Variants in SHISA9 observed in about 807,000 individuals in gnomAD.
SHISA9 encodes protein shisa-9.
SHISA9 carries 13 observed loss-of-function variants against 38.0 expected under a neutral mutation model. That is an observed-to-expected ratio of 0.34 (90% confidence interval 0.22 to 0.54). The LOEUF (loss-of-function observed/expected upper bound fraction) is 0.54. SHISA9 is among the 20% of genes least tolerant of loss of function. The pLI is 0.91. For missense variants in SHISA9, 538 were observed against 575.8 expected, an observed-to-expected ratio of 0.93 and a Z score of 0.67; for synonymous variants, 275 against 242.0, an observed-to-expected ratio of 1.14 and a Z score of -1.27.
chr16:13,096,030 C>T (rs2073822538), intron 2 of SHISA9, among the ~76,000 whole-genome samples: 1 of 152,208 alleles, frequency 6.6e-6, no homozygotes, highest in Admixed American at 6.5e-5. Context: ...AGAGTGAAAG[C>T]CCTGGAGTCA....
At chr16:13,489,396 T>C in the SHISA9 span, among the ~76,000 whole-genome samples, 1 of 152,164 alleles carries the variant, frequency 6.6e-6, no homozygotes, top group Admixed American at 6.5e-5. Context: ...AAGCGATGTA[T>C]GACTGTGTGT....
the SHISA9 span, among the ~76,000 whole-genome samples, chr16:13,553,539 G>T: frequency 6.6e-6 from 1 of 152,066 alleles, no homozygotes; most frequent in Admixed American, 6.6e-5. Context: ...GTGCTCACCA[G>T]GTCTAAAATA....
the SHISA9 span, among the ~76,000 whole-genome samples, chr16:13,329,547 G>T: frequency 1.3e-5 from 2 of 152,202 alleles, no homozygotes; most frequent in East Asian, 3.9e-4. Context: ...TCTAATTTGA[G>T]TTCTGCTATG....
At chr16:13,205,947 A>G (rs1349345989) in intron 3 of SHISA9, among the ~76,000 whole-genome samples, 2 of 148,888 alleles carry the variant, frequency 1.3e-5, no homozygotes, top group South Asian at 4.2e-4. Context: ...TTTTTTTTTA[A>G]GTAGAGATGG....
At chr16:13,191,063 A>G (rs1048299573) in intron 2 of SHISA9, among the ~76,000 whole-genome samples, 1 of 152,162 alleles carries the variant, frequency 6.6e-6, no homozygotes, top group Non-Finnish European at 1.5e-5. Flanking sequence ...TGGATTGGAT[A>G]CTTCTTTTTT....
the SHISA9 span, among the ~76,000 whole-genome samples, chr16:13,460,074 A>C: frequency 6.6e-6 from 1 of 152,174 alleles, no homozygotes; most frequent in East Asian, 1.9e-4. Context: ...CACGCAGCCT[A>C]TATGGTTATT....
chr16:13,521,868 G>A, the SHISA9 span, among the ~76,000 whole-genome samples: 26 of 152,266 alleles, frequency 1.7e-4, no homozygotes, highest in South Asian at 2.3e-3. Flanking sequence ...CTTTGAAATG[G>A]AAGTCACCAT....
At chr16:12,999,414 A>G (rs868468807) in intron 2 of SHISA9, among the ~76,000 whole-genome samples, 1 of 152,242 alleles carries the variant, frequency 6.6e-6, no homozygotes, top group Non-Finnish European at 1.5e-5. Flanking sequence ...GCACATGTTC[A>G]TAGATGACTC....
At chr16:13,384,142 A>G in the SHISA9 span, among the ~76,000 whole-genome samples, 2 of 152,164 alleles carry the variant, frequency 1.3e-5, no homozygotes, top group African/African-American at 4.8e-5. Context: ...AGGCATTGAA[A>G]TGTCTAGCAA....
chr16:13,504,497 A>G, the SHISA9 span, among the ~76,000 whole-genome samples: 5 of 152,300 alleles, frequency 3.3e-5, no homozygotes, highest in Non-Finnish European at 7.3e-5. Flanking sequence ...TCAAAGTGCT[A>G]AGCAGAAACA....
intron 2 of SHISA9, among the ~76,000 whole-genome samples, chr16:12,930,407 T>G (rs1370623336): frequency 6.6e-6 from 1 of 152,236 alleles, no homozygotes; most frequent in African/African-American, 2.4e-5. Context: ...GAATACATAT[T>G]CCAGCATTAC....
intron 2 of SHISA9, among the ~76,000 whole-genome samples, chr16:13,191,621 C>CTG (rs2050886355): frequency 6.6e-6 from 1 of 152,130 alleles, no homozygotes; most frequent in Admixed American, 6.5e-5. Context: ...CCCAAAGATG[C>CTG]TGTTGGTAAG....
intron 2 of SHISA9, among the ~76,000 whole-genome samples, chr16:12,967,058 G>GATTATTA (rs2071989185): frequency 6.6e-6 from 1 of 152,108 alleles, no homozygotes; most frequent in Non-Finnish European, 1.5e-5. Flanking sequence ...CCATTACTGG[G>GATTATTA]ATTATTACCC....
chr16:13,193,489 T>G (rs932096659), intron 2 of SHISA9, among the ~76,000 whole-genome samples: 1 of 152,080 alleles, frequency 6.6e-6, no homozygotes, highest in Non-Finnish European at 1.5e-5. Context: ...GTAGCTGGTA[T>G]TACAGCTACC....
intron 2 of SHISA9, among the ~76,000 whole-genome samples, chr16:13,085,093 A>T (rs929618256): frequency 6.6e-6 from 1 of 152,180 alleles, no homozygotes; most frequent in Non-Finnish European, 1.5e-5. Context: ...TGTGTTGTAG[A>T]AGTATCATTC....
intron 2 of SHISA9, among the ~76,000 whole-genome samples, chr16:13,105,695 G>T (rs1411701894): frequency 6.6e-6 from 1 of 152,190 alleles, no homozygotes; most frequent in Admixed American, 6.5e-5. Flanking sequence ...CATGGCAGTT[G>T]CTTGTGCTGT....
chr16:13,513,344 G>A, the SHISA9 span, among the ~76,000 whole-genome samples: 1 of 152,190 alleles, frequency 6.6e-6, no homozygotes, highest in Non-Finnish European at 1.5e-5. Context: ...AACAATAGAT[G>A]CTGGCGAGGC....
the SHISA9 span, among the ~76,000 whole-genome samples, chr16:13,402,494 T>C: frequency 1.3e-5 from 2 of 151,040 alleles, no homozygotes; most frequent in Admixed American, 6.6e-5. Flanking sequence ...TGATGTCACC[T>C]ACATTGGAGA....
chr16:13,025,252 C>G (rs1000707303), intron 2 of SHISA9, among the ~76,000 whole-genome samples: 11 of 152,188 alleles, frequency 7.2e-5, no homozygotes, highest in Admixed American at 7.2e-4. Flanking sequence ...TAATTTTCAA[C>G]ATTTGTTTCT....
Sources: allele counts gnomAD v4.1 joint callset (sites outside exome capture counted in the v4.1 genomes callset), GRCh38; gene constraint gnomAD v4.1.1; transcripts MANE v1.5; gene names NCBI Gene and HGNC (gene_info 2026-07-23, HGNC 2026-07-21).